Variants in PKHD1L1 observed in about 807,000 individuals in gnomAD.
The protein encoded by PKHD1L1 is fibrocystin-L.
A neutral mutation model predicts 462.9 loss-of-function variants in PKHD1L1; 434 were observed. The observed-to-expected ratio is 0.94, with a 90% CI of 0.87 to 1.02. The LOEUF (loss-of-function observed/expected upper bound fraction) is 1.02. Among genes scored for constraint, PKHD1L1 ranks in the 50% least tolerant of loss-of-function variants. The pLI is 0.00. For missense variants in PKHD1L1, 5,202 were observed against 5,096.1 expected, an observed-to-expected ratio of 1.02 and a Z score of -0.63; for synonymous variants, 1,781 against 1,750.0, an observed-to-expected ratio of 1.02 and a Z score of -0.44.
chr8:109,403,709 A>C (rs1813387327), intron 14 of PKHD1L1, among the ~76,000 whole-genome samples: 1 of 152,116 alleles, frequency 6.6e-6, no homozygotes, highest in African/African-American at 2.4e-5. Flanking sequence ...GAACCCTATC[A>C]TTCTACACAT....
chr8:109,391,723 A>G (rs558080885), intron 9 of PKHD1L1, among the ~76,000 whole-genome samples: 1 of 152,312 alleles, frequency 6.6e-6, no homozygotes, highest in South Asian at 2.1e-4. Context: ...TCTGAAAAAA[A>G]TGGCAATATT....
Position 109,448,203 on chromosome 8 carries a change from T to C in PKHD1L1, c.5837T>C (p.Ile1946Thr). ...GSNFGFEILE[I>T]SVMINNIQCN... ...AACTTTGGCTTTGAGATCTTGGAAATCTCCGTGATGATAAATAACATTCAG... is the reference window on the plus strand; with the variant it reads ...AACTTTGGCTTTGAGATCTTGGAAACCTCCGTGATGATAAATAACATTCAG... The change falls in exon 39 of 78, where the codon ATC becomes ACC. Residue 1946 changes from isoleucine (I) to threonine (T), a missense_variant. Physicochemically the swap from Ile to Thr is moderately conservative, Grantham distance 89 (BLOSUM62 -1). Around this residue, in one of 3 missense-constraint regions of PKHD1L1, gnomAD observed 4,497 missense variants for 4,336.8 expected, o/e 1.04. Coordinates refer to ENST00000378402, the MANE Select transcript of PKHD1L1 (RefSeq NM_177531.6). 2.5e-6 allele frequency: 4 copies of C among 1,612,676 alleles called. No homozygotes were observed. The South Asian group carries it at 4.4e-5, about 18-fold the overall frequency.
At chr8:109,463,011 C>T (rs778571944) in intron 48 of PKHD1L1, among the ~76,000 whole-genome samples, 2 of 152,134 alleles carry the variant, frequency 1.3e-5, no homozygotes, top group Non-Finnish European at 2.9e-5. Context: ...TTATACATAA[C>T]TCCTAATAGG....
Position 109,483,055 on chromosome 8 carries a change from G to A in PKHD1L1, c.9526G>A (p.Ala3176Thr). The change falls in exon 57 of 78, where the codon GCA (alanine) becomes ACA (threonine). Residue 3176 changes from alanine (A) to threonine (T), a missense_variant. Ala to Thr is a moderately conservative substitution (Grantham distance 58). Coordinates refer to ENST00000378402, the MANE Select transcript of PKHD1L1 (RefSeq NM_177531.6). ...ATATAAAACTAAGCTCTCAGAAACT[G>A]CATTTGCAGGTTCCAAAGTCCTGTC... is the stretch of plus-strand genomic sequence containing the variant. ...SIYKTKLSET[A>T]FAGSKVLSLM... is the part of the protein sequence containing the mutation. 6.2e-7 allele frequency: 1 copy of A among 1,601,334 alleles called. No homozygotes were observed. Among genetic ancestry groups the A allele is most frequent in the African/African-American group, 1.3e-5 (1 of 74,130 alleles).
chr8:109,405,055 G>T lies in PKHD1L1; in HGVS notation c.1594G>T (p.Val532Leu), dbSNP rs1266470039. The change falls in exon 16 of 78, where the codon GTA becomes TTA. Residue 532 changes from valine (V) to leucine (L), a missense_variant. Val to Leu is a conservative substitution (Grantham distance 32). This residue lies in a region of PKHD1L1 where 4,497 missense variants were observed against 4,336.8 expected (regional missense o/e 1.04). Coordinates refer to ENST00000378402, the MANE Select transcript of PKHD1L1 (RefSeq NM_177531.6). ...AATTAATGAGGTTCAGAAGATCAAG[G>T]TAACCAGCCCATGTGTGGAAGCTAA... is the stretch of plus-strand genomic sequence containing the variant. The part of the protein sequence containing the change: ...NAINEVQKIK[V>L]TSPCVEANSC... 1 of 1,533,360 alleles carries T rather than the reference G, an allele frequency of 6.5e-7. No homozygotes were observed. The highest frequency in any genetic ancestry group is 8.8e-7 in the Non-Finnish European group (1 of 1,131,184). The allele number at this position is 1,533,360 out of a possible 1,614,324, so 95.0% of individuals were successfully genotyped here. A position where few individuals can be genotyped will look rare whatever the true frequency, so the allele number is the denominator to read the frequency against.
intron 19 of PKHD1L1, 58 bp from the exon 20 acceptor site, chr8:109,412,207 T>C: frequency 1.3e-6 from 2 of 1,586,528 alleles, no homozygotes; most frequent in Non-Finnish European, 8.6e-7. Flanking sequence ...GTGCACACGT[T>C]GGGGGAAAAC....
intron 23 of PKHD1L1, 78 bp from the exon 24 acceptor site, chr8:109,425,007 T>A: frequency 8.3e-7 from 1 of 1,208,552 alleles, no homozygotes; most frequent in East Asian, 2.7e-5. Context: ...TGTCACAGGA[T>A]TGTACCATGA....
At chr8:109,436,099 A>C in intron 29 of PKHD1L1, among the ~76,000 whole-genome samples, 1 of 152,312 alleles carries the variant, frequency 6.6e-6, no homozygotes, top group African/African-American at 2.4e-5. Context: ...TTGCAAATCT[A>C]TGTTATTTCA....
intron 70 of PKHD1L1, among the ~76,000 whole-genome samples, chr8:109,508,519 C>T (rs1454576524): frequency 1.3e-5 from 2 of 151,624 alleles, no homozygotes; most frequent in Admixed American, 1.3e-4. Flanking sequence ...GAGAGGAGAG[C>T]AAGAAGTAGG....
At chr8:109,367,541 G>GTA (rs1271534706) in intron 2 of PKHD1L1, among the ~76,000 whole-genome samples, 1 of 152,208 alleles carries the variant, frequency 6.6e-6, no homozygotes, top group African/African-American at 2.4e-5. Flanking sequence ...TCCAAACATA[G>GTA]TATAGTATTG....
intron 46 of PKHD1L1, among the ~76,000 whole-genome samples, chr8:109,458,043 C>T (rs1816917743): frequency 6.6e-6 from 1 of 152,070 alleles, no homozygotes; most frequent in South Asian, 2.1e-4. Flanking sequence ...CAGCTTTGTT[C>T]TCCTGTCTCC....
chr8:109,406,175 G>C (rs1813524931), intron 16 of PKHD1L1, among the ~76,000 whole-genome samples, 160 bp from the exon 17 acceptor site: 1 of 152,180 alleles, frequency 6.6e-6, no homozygotes, highest in African/African-American at 2.4e-5. Context: ...TACTGAACTT[G>C]AATCAGTTTC....
In PKHD1L1 at chr8:109,487,888, GAGAGGA is replaced by G. The variant is rs1463627511; in HGVS notation, c.9880+1070_9880+1075del. Among the ~76,000 whole-genome samples the G allele has an allele frequency of 3.4e-3, 481 of 140,536 alleles. 1 individual carries two copies. Among genetic ancestry groups the G allele is most frequent in the Admixed American group, 6.5e-3 (87 of 13,472 alleles). The allele number at this position is 140,536 out of a possible 152,430, so 92.2% of individuals were successfully genotyped here. ...AAAGACAGAGAGAAAGAGAGAGAGA[GAGAGGA>G]AGGAAGGAAGGAAGGAAGGAAGGAA... is the stretch of plus-strand genomic sequence containing the variant. On this transcript the variant is annotated intron_variant, in intron 59 of 77. Transcript: ENST00000378402.
chr8:109,420,492 C>T, intron 22 of PKHD1L1, 26 bp from the exon 23 acceptor site: 1 of 1,439,372 alleles, frequency 6.9e-7, no homozygotes, highest in Non-Finnish European at 9.2e-7. Context: ...TTACACCAAC[C>T]TAATATTTTT....
At position 109,389,486 on chromosome 8, in the gene PKHD1L1, T is replaced by C. The variant is rs1011781721; in HGVS notation, c.697+334T>C. On this transcript the variant is annotated intron_variant, in intron 8 of 77. Transcript: ENST00000378402. ...TCTTGATCTATGTCCTCCAGACACA[T>C]AGATCTTTTAAGAGTGTGTGTGTGT... is the stretch of plus-strand genomic sequence containing the variant. 5.4e-5 allele frequency among the ~76,000 whole-genome samples: 8 copies of C among 149,508 alleles called. No homozygotes were observed. In the South Asian group the frequency reaches 1.5e-3, roughly 28 times the overall value.
intron 62 of PKHD1L1, 64 bp from the exon 63 acceptor site, chr8:109,493,597 C>T: frequency 1.9e-6 from 2 of 1,054,240 alleles, no homozygotes; most frequent in Admixed American, 2.5e-5. Flanking sequence ...CATATACTTA[C>T]TCTCGATTTA....
intron 2 of PKHD1L1, among the ~76,000 whole-genome samples, chr8:109,379,697 A>G (rs187593332): frequency 7.0e-4 from 107 of 152,244 alleles, no homozygotes; most frequent in African/African-American, 2.4e-3. Context: ...GCAACCTTAC[A>G]TTCTGCTGGA....
At chr8:109,384,521 C>T (rs1040535664) in intron 5 of PKHD1L1, among the ~76,000 whole-genome samples, 23 of 151,836 alleles carry the variant, frequency 1.5e-4, no homozygotes, top group Non-Finnish European at 2.6e-4. Flanking sequence ...AGAGCAAGAT[C>T]CTATCTGAAA....
chr8:109,445,307 G>T lies in PKHD1L1; in HGVS notation c.5438G>T (p.Ser1813Ile). 2.5e-6 allele frequency: 4 copies of T among 1,613,948 alleles called. No homozygotes were observed. The highest frequency in any genetic ancestry group is 3.4e-6 in the Non-Finnish European group (4 of 1,179,876). The change falls in exon 38 of 78, where the codon AGT becomes ATT. Residue 1813 changes from serine to isoleucine, a missense_variant. This residue lies in a region of PKHD1L1 where 4,497 missense variants were observed against 4,336.8 expected (regional missense o/e 1.04). Transcript: ENST00000378402. ...CTCCCAGTTGGACATCATTCTGTTA[G>T]TGTTGTGGTGGGAAGTAAAGGCTTG... The part of the protein sequence containing the change: ...TPLPVGHHSV[S>I]VVVGSKGLAL...
Sources: gnomAD v4.1 joint callset for allele counts (sites outside exome capture counted in the v4.1 genomes callset) on GRCh38, gnomAD v4.1.1 for gene constraint, gnomAD v4.1.1 regional missense constraint, MANE v1.5 for transcripts, NCBI Gene and HGNC (gene_info 2026-07-23, HGNC 2026-07-21) for gene names.